The following RANGAP1 variants were observed in gnomAD, a reference collection of about 807,000 sequenced individuals.
The protein encoded by RANGAP1 is Ran GTPase activating protein 1, also known as ran GTPase-activating protein 1.
A neutral mutation model predicts 63.5 loss-of-function variants in RANGAP1; 38 were observed. That is an observed-to-expected ratio of 0.60 (90% CI 0.46 to 0.78). RANGAP1 has a LOEUF of 0.78. Ranked by LOEUF, RANGAP1 falls within the 30% of genes least tolerant of loss-of-function variation. The probability of loss-of-function intolerance (pLI) is 0.00; values close to 1 mark genes in which losing one functional copy is unlikely to be tolerated. For synonymous variants in RANGAP1, 329 were observed against 310.5 expected, an observed-to-expected ratio of 1.06 and a Z score of -0.63; for missense variants, 630 against 740.3, an observed-to-expected ratio of 0.85 and a Z score of 1.73.
chr22:41,259,284 G>A (rs1288541241), intron 6 of RANGAP1, among the ~76,000 whole-genome samples: 1 of 152,126 alleles, frequency 6.6e-6, no homozygotes, highest in East Asian at 1.9e-4. Context: ...TGCAGCACAG[G>A]GCAATGGGGG....
chr22:41,275,650 A>G (rs2035092090), intron 2 of RANGAP1, among the ~76,000 whole-genome samples: 1 of 151,548 alleles, frequency 6.6e-6, no homozygotes, highest in East Asian at 1.9e-4. Context: ...GTGATGGCAC[A>G]TGCCTGTAAT....
At chr22:41,248,629 C>T (rs764050127) in intron 15 of RANGAP1, among the ~76,000 whole-genome samples, 8 of 152,334 alleles carry the variant, frequency 5.3e-5, no homozygotes, top group Admixed American at 2.0e-4. Flanking sequence ...CCTAACCCCC[C>T]GGTTGGACAA....
intron 2 of RANGAP1, among the ~76,000 whole-genome samples, chr22:41,275,474 A>C (rs920285606): frequency 1.3e-5 from 2 of 151,802 alleles, no homozygotes; most frequent in African/African-American, 4.8e-5. Context: ...CCTGGGAGAC[A>C]CAGCAAGACT....
Position 41,249,770 on chromosome 22 carries a change from TGTTGGA to T in RANGAP1, c.1525_1530del (p.Ser509_Asn510del). On this transcript the variant is annotated inframe_deletion, in exon 14 of 16. Coordinates refer to ENST00000356244, the MANE Select transcript of RANGAP1 (RefSeq NM_002883.4). ...TGCACGAGCAGCCTGGTGAGGAAGG[TGTTGGA>T]GTTGAAGGACGAGGAGTTGAAAGCC... is the stretch of plus-strand genomic sequence containing the variant. 2 of 1,613,740 alleles carry T rather than the reference TGTTGGA, an allele frequency of 1.2e-6. No homozygotes were observed. Among genetic ancestry groups the T allele is most frequent in the Non-Finnish European group, 1.7e-6 (2 of 1,179,862 alleles).
intron 1 of RANGAP1, among the ~76,000 whole-genome samples, chr22:41,284,430 G>A (rs1029941807): frequency 4.6e-5 from 7 of 151,970 alleles, no homozygotes; most frequent in African/African-American, 1.5e-4. Flanking sequence ...AACCGGGCGT[G>A]GTGGCACATG....
intron 4 of RANGAP1, 65 bp from the exon 5 acceptor site, chr22:41,264,908 T>C: frequency 6.6e-7 from 1 of 1,508,774 alleles, no homozygotes. Context: ...GTGCTGCTTC[T>C]GTGCCAGGCC....
At chr22:41,288,241 T>C (rs747664464), upstream of RANGAP1, among the ~76,000 whole-genome samples, 2 of 152,144 alleles carry the variant, frequency 1.3e-5, no homozygotes, top group Non-Finnish European at 2.9e-5. Flanking sequence ...CATGAGTCTC[T>C]CCCTCCTGCA....
At chr22:41,294,397 C>A in the RANGAP1 span, among the ~76,000 whole-genome samples, 1 of 152,022 alleles carries the variant, frequency 6.6e-6, no homozygotes, top group Non-Finnish European at 1.5e-5. Context: ...GATCTCGGCT[C>A]GCTACAACCT....
At chr22:41,288,983 T>G (rs1047475210), upstream of RANGAP1, among the ~76,000 whole-genome samples, 1 of 141,270 alleles carries the variant, frequency 7.1e-6, no homozygotes, top group Non-Finnish European at 1.5e-5. Context: ...AGTGCAGTGG[T>G]GCGATCTCAG....
At chr22:41,265,130 T>C (rs1196414113) in intron 4 of RANGAP1, among the ~76,000 whole-genome samples, 5 of 152,096 alleles carry the variant, frequency 3.3e-5, no homozygotes, top group East Asian at 1.9e-4. Flanking sequence ...ATGAAAAGAC[T>C]CCAGGCAGCT....
chr22:41,249,100 C>G (rs1266830905), intron 15 of RANGAP1, among the ~76,000 whole-genome samples: 1 of 152,234 alleles, frequency 6.6e-6, no homozygotes, highest in Non-Finnish European at 1.5e-5. Flanking sequence ...CTCTCACTGT[C>G]CCTGAGCCCC....
chr22:41,281,517 T>A (rs772234957), intron 1 of RANGAP1: 5 of 991,228 alleles, frequency 5.0e-6, no homozygotes, highest in Non-Finnish European at 6.0e-6. Context: ...AGGACACAGA[T>A]GGCTATGGGA....
the RANGAP1 span, among the ~76,000 whole-genome samples, chr22:41,294,023 C>G: frequency 1.5e-5 from 2 of 136,442 alleles, no homozygotes; most frequent in East Asian, 3.9e-4. Flanking sequence ...AAAATCTACT[C>G]CTCTCCCTCT....
chr22:41,282,820 G>C (rs563971251), intron 1 of RANGAP1, among the ~76,000 whole-genome samples: 3 of 152,160 alleles, frequency 2.0e-5, no homozygotes, highest in African/African-American at 4.8e-5. Flanking sequence ...ATGAATAAAC[G>C]TATCTGTGAG....
the RANGAP1 span, among the ~76,000 whole-genome samples, chr22:41,299,201 C>G: frequency 6.6e-6 from 1 of 151,880 alleles, no homozygotes; most frequent in Non-Finnish European, 1.5e-5. Context: ...GGCACGATCT[C>G]GGCTCACTGT....
At chr22:41,294,190 T>C in the RANGAP1 span, among the ~76,000 whole-genome samples, 2 of 152,232 alleles carry the variant, frequency 1.3e-5, no homozygotes, top group Non-Finnish European at 1.5e-5. Context: ...TGCCTGCGAT[T>C]GAAGGCGTGC....
intron 8 of RANGAP1, 81 bp from the exon 9 acceptor site, chr22:41,256,371 A>G: frequency 7.2e-7 from 1 of 1,398,254 alleles, no homozygotes; most frequent in Middle Eastern, 1.8e-4. Flanking sequence ...CAGTTTCCCC[A>G]AGTGAGGATA....
At chr22:41,251,753 G>A (rs992077124) in intron 12 of RANGAP1, among the ~76,000 whole-genome samples, 6 of 152,082 alleles carry the variant, frequency 3.9e-5, no homozygotes, top group Admixed American at 6.6e-5. Context: ...TCACAACAGG[G>A]AAAAGTGGAA....
intron 3 of RANGAP1, 52 bp downstream of exon 3, chr22:41,274,548 G>A: frequency 1.2e-6 from 2 of 1,606,690 alleles, no homozygotes; most frequent in South Asian, 2.2e-5. Flanking sequence ...GTGGAAGTGT[G>A]AACAGAAGCT....
Sources: gnomAD v4.1 joint callset for allele counts (sites outside exome capture counted in the v4.1 genomes callset) on GRCh38, gnomAD v4.1.1 for gene constraint, MANE v1.5 for transcripts, NCBI Gene and HGNC (gene_info 2026-07-23, HGNC 2026-07-21) for gene names.